The following RNF130 variants were observed in gnomAD, a reference collection of about 807,000 sequenced individuals.
RNF130 encodes the protein E3 ubiquitin-protein ligase RNF130.
Under a neutral mutation model 44.6 loss-of-function variants are expected in RNF130, and 21 were observed. The observed-to-expected ratio is 0.47, with a 90% CI of 0.33 to 0.68. The LOEUF is 0.68. Ranked by LOEUF, RNF130 falls within the 30% of genes least tolerant of loss-of-function variation. The probability of loss-of-function intolerance (pLI) is 0.02; values close to 1 mark genes in which losing one functional copy is unlikely to be tolerated. For missense variants in RNF130, 479 were observed against 560.6 expected (o/e 0.85, Z 1.47); for synonymous variants, 214 against 210.4 (o/e 1.02, Z -0.15).
At chr5:179,987,884 G>A (rs1385375810) in intron 3 of RNF130, among the ~76,000 whole-genome samples, 1 of 152,126 alleles carries the variant, frequency 6.6e-6, no homozygotes, top group African/African-American at 2.4e-5. Context: ...ACTGGGTTGA[G>A]GCTTTTTGTG....
chr5:180,065,955 C>G (rs1422746995), intron 1 of RNF130, among the ~76,000 whole-genome samples: 1 of 152,116 alleles, frequency 6.6e-6, no homozygotes, highest in Non-Finnish European at 1.5e-5. Context: ...AAAAATTTTA[C>G]ATATTGCAGA....
chr5:179,925,578 G>C (rs544943327), intron 7 of RNF130, among the ~76,000 whole-genome samples: 11 of 152,048 alleles, frequency 7.2e-5, no homozygotes, highest in Non-Finnish European at 1.5e-4. Context: ...CCAAGCTGGA[G>C]TGTGCAGTGG....
intron 2 of RNF130, among the ~76,000 whole-genome samples, chr5:180,036,951 G>A (rs1325019669): frequency 6.6e-6 from 1 of 152,068 alleles, no homozygotes; most frequent in Non-Finnish European, 1.5e-5. Context: ...TTAATCTTAT[G>A]TATGTTTTTC....
intron 2 of RNF130, among the ~76,000 whole-genome samples, chr5:180,022,906 G>C (rs980906158): frequency 6.6e-6 from 1 of 152,236 alleles, no homozygotes; most frequent in Non-Finnish European, 1.5e-5. Context: ...TAAGTAGAGA[G>C]TTCGGCATTC....
At chr5:179,939,508 G>T in intron 7 of RNF130, 1 of 228,858 alleles carries the variant, frequency 4.4e-6, no homozygotes. Context: ...TATGCTGGCC[G>T]TCTTCTCCCA....
intron 2 of RNF130, among the ~76,000 whole-genome samples, chr5:180,015,660 G>A (rs1372422683): frequency 1.4e-5 from 2 of 140,856 alleles, no homozygotes; most frequent in African/African-American, 2.7e-5. Context: ...GAGTAGGAAA[G>A]GAGTAGGAAA....
chr5:180,024,171 A>C (rs1012409172), intron 2 of RNF130, among the ~76,000 whole-genome samples: 2 of 152,242 alleles, frequency 1.3e-5, no homozygotes, highest in Middle Eastern at 3.2e-3. Flanking sequence ...CTAAAAAAGT[A>C]TCACAGCCAA....
chr5:179,948,282 C>A (rs1417929169), intron 7 of RNF130, among the ~76,000 whole-genome samples: 12 of 152,156 alleles, frequency 7.9e-5, no homozygotes, highest in Non-Finnish European at 5.9e-5. Context: ...TGATCAGGAG[C>A]CCCTGGCAAC....
At chr5:179,918,388 C>G (rs1761582885) in exon 8 of RNF130, 1 of 152,188 alleles carries the variant, frequency 6.6e-6, no homozygotes, top group East Asian at 1.9e-4. Context: ...GGTAAGACCT[C>G]AAATCAGGAG....
At chr5:179,999,130 C>A (rs533847053) in intron 3 of RNF130, among the ~76,000 whole-genome samples, 2 of 138,948 alleles carry the variant, frequency 1.4e-5, no homozygotes, top group South Asian at 4.3e-4. Context: ...TCAAGCGATT[C>A]TCTGCCTCAG....
chr5:180,071,365 G>T, intron 1 of RNF130, 91 bp downstream of exon 1: 1 of 1,170,614 alleles, frequency 8.5e-7, no homozygotes, highest in Non-Finnish European at 1.1e-6. Flanking sequence ...GCGCGGGAGA[G>T]CCAGGGCCAG....
At chr5:180,033,918 G>C (rs2113127805) in intron 2 of RNF130, among the ~76,000 whole-genome samples, 1 of 152,218 alleles carries the variant, frequency 6.6e-6, no homozygotes, top group Non-Finnish European at 1.5e-5. Flanking sequence ...AAAACCACAA[G>C]AAAAATGTTG....
intron 1 of RNF130, among the ~76,000 whole-genome samples, chr5:180,042,252 T>C (rs1764436939): frequency 6.6e-6 from 1 of 152,212 alleles, no homozygotes; most frequent in South Asian, 2.1e-4. Flanking sequence ...TTCCCCAAAT[T>C]TTCTTTCAAC....
At chr5:179,939,376 C>G (rs1761942095) in intron 7 of RNF130, 1 of 167,334 alleles carries the variant, frequency 6.0e-6, no homozygotes, top group Non-Finnish European at 1.3e-5. Flanking sequence ...AGGTACAATT[C>G]TACCAATAGT....
chr5:179,944,164 G>T (rs1012256414), intron 7 of RNF130, among the ~76,000 whole-genome samples: 44 of 151,540 alleles, frequency 2.9e-4, no homozygotes, highest in African/African-American at 1.0e-3. Flanking sequence ...AGACGGGGGG[G>T]TTCACCATAT....
rs887621488 is a variant in RNF130, at chr5:180,053,302, G to A, written c.248-12655C>T. 5.3e-5 allele frequency among the ~76,000 whole-genome samples: 8 copies of A among 152,124 alleles called. No homozygotes were observed. The East Asian group carries it at 5.8e-4, about 11-fold the overall frequency. ...GGCATATCCCGGTGAACAGCTGCCC[G>A]AACCCAATGCAGGCCCCGAACAGAA... On this transcript the variant is annotated intron_variant, in intron 1 of 8. Coordinates refer to ENST00000521389, the MANE Select transcript of RNF130 (RefSeq NM_018434.6).
intron 7 of RNF130, among the ~76,000 whole-genome samples, chr5:179,937,933 T>TGTGAGAGA (rs1268947878): frequency 7.1e-4 from 82 of 116,294 alleles, no homozygotes; most frequent in East Asian, 1.2e-3. Flanking sequence ...TGTGTGTGTG[T>TGTGAGAGA]GAGAGAGAGA....
chr5:180,003,675 T>C lies in RNF130; in HGVS notation c.693+9386A>G, dbSNP rs986323734. ...CAATTTGATCTCTTCCTGGAATCTG[T>C]CTAAAAGCCACTATTTTTTTAAAAT... On this transcript the variant is annotated intron_variant, in intron 3 of 8. Coordinates refer to ENST00000521389, the MANE Select transcript of RNF130 (RefSeq NM_018434.6). Among the ~76,000 whole-genome samples the C allele has an allele frequency of 1.3e-5, 2 of 150,222 alleles. 1 individual carries two copies. Among genetic ancestry groups the C allele is most frequent in the Admixed American group, 1.3e-4 (2 of 14,974 alleles).
intron 7 of RNF130, among the ~76,000 whole-genome samples, chr5:179,935,515 CGT>C (rs34977597): frequency 6.0e-5 from 9 of 150,584 alleles, no homozygotes; most frequent in African/African-American, 9.7e-5. Flanking sequence ...TATGTCAGCA[CGT>C]GTGTGTGTGT....
Sources: gnomAD v4.1 joint callset for allele counts (sites outside exome capture counted in the v4.1 genomes callset) on GRCh38, gnomAD v4.1.1 for gene constraint, MANE v1.5 for transcripts, NCBI Gene and HGNC (gene_info 2026-07-23, HGNC 2026-07-21) for gene names.